Variants in PRKAR1A observed in about 807,000 individuals in gnomAD.
PRKAR1A encodes the protein cAMP-dependent protein kinase type I-alpha regulatory subunit.
PRKAR1A carries 3 observed loss-of-function variants against 52.0 expected under a neutral mutation model. The ratio of observed to expected loss-of-function variants is 0.06; its 90% CI spans 0.03 to 0.15. PRKAR1A has a LOEUF of 0.15. Among genes scored for constraint, PRKAR1A ranks in the 10% least tolerant of loss-of-function variants. The pLI is 1.00. For synonymous variants in PRKAR1A, 188 were observed against 168.4 expected (o/e 1.12, Z -0.90); for missense variants, 240 against 477.4 (o/e 0.50, Z 4.63).
At chr17:68,469,695 GC>G in the PRKAR1A span, among the ~76,000 whole-genome samples, 3 of 151,880 alleles carry the variant, frequency 2.0e-5, no homozygotes, top group Non-Finnish European at 4.4e-5. Context: ...TGGCTCTCAA[GC>G]TTTTGGATGC....
chr17:68,538,470 T>C (rs2086159941), intron 11 of PRKAR1A, among the ~76,000 whole-genome samples: 1 of 152,228 alleles, frequency 6.6e-6, no homozygotes, highest in Non-Finnish European at 1.5e-5. Flanking sequence ...GAATATCATA[T>C]TTATAATTAG....
the PRKAR1A span, among the ~76,000 whole-genome samples, chr17:68,488,923 C>T: frequency 1.3e-5 from 2 of 151,456 alleles, no homozygotes; most frequent in Non-Finnish European, 2.9e-5. Flanking sequence ...TTTCTCTATC[C>T]TGTGTCTGAA....
At chr17:68,419,005 C>T in the PRKAR1A span, among the ~76,000 whole-genome samples, 3 of 138,276 alleles carry the variant, frequency 2.2e-5, no homozygotes, top group Admixed American at 1.5e-4. Context: ...ACTGCTTTTT[C>T]TATAGCAAAG....
chr17:68,424,576 G>A, the PRKAR1A span: 4 of 512,592 alleles, frequency 7.8e-6, no homozygotes, highest in African/African-American at 2.0e-5. Context: ...TCCAAGTCTT[G>A]GCCCAAACAC....
At chr17:68,460,111 G>A in the PRKAR1A span, among the ~76,000 whole-genome samples, 1 of 152,138 alleles carries the variant, frequency 6.6e-6, no homozygotes, top group Non-Finnish European at 1.5e-5. Flanking sequence ...GAGCCACCAC[G>A]CCTGGCCTCA....
the PRKAR1A span, among the ~76,000 whole-genome samples, chr17:68,426,815 G>A: frequency 3.4e-4 from 52 of 152,194 alleles, no homozygotes; most frequent in Non-Finnish European, 6.8e-4. Context: ...GATTACAGGT[G>A]TGAGCCAATG....
upstream of PRKAR1A, among the ~76,000 whole-genome samples, chr17:68,508,825 C>A (rs908374055): frequency 1.3e-5 from 2 of 152,024 alleles, no homozygotes; most frequent in African/African-American, 4.8e-5. Context: ...GATAAACACC[C>A]CTCCTTAGTT....
At chr17:68,450,972 G>A in the PRKAR1A span, 6 of 1,528,736 alleles carry the variant, frequency 3.9e-6, no homozygotes, top group African/African-American at 7.0e-5. Context: ...ATGACACTGG[G>A]CCCGGCGCAG....
the PRKAR1A span, among the ~76,000 whole-genome samples, chr17:68,490,803 T>A: frequency 1.3e-5 from 2 of 152,136 alleles, no homozygotes; most frequent in African/African-American, 4.8e-5. Context: ...GAAGCAGTCT[T>A]ATCGTGTACC....
rs75550131 is a variant in PRKAR1A at position 68,542,652 on chromosome 17, G to A, written c.974-8432G>A. 3.2e-4 allele frequency: 474 copies of A among 1,486,848 alleles called. 3 individuals carry two copies. In the East Asian group the frequency reaches 8.6e-3, roughly 27 times the overall value. The allele number at this position is 1,486,848 out of a possible 1,614,324, so 92.1% of individuals were successfully genotyped here. On this transcript the variant is annotated intron_variant, in intron 11 of 11. Transcript: ENST00000585981. Reference sequence around the variant, plus strand: ...TGGAGGGGTGGACACTCTGGCTTACGATCTACTCAGACCCGGAATATCACT... The same window carrying A: ...TGGAGGGGTGGACACTCTGGCTTACAATCTACTCAGACCCGGAATATCACT...
chr17:68,502,397 A>G, the PRKAR1A span, among the ~76,000 whole-genome samples: 1 of 152,232 alleles, frequency 6.6e-6, no homozygotes, highest in African/African-American at 2.4e-5. Context: ...TATGGACCTT[A>G]TCCAAAATAT....
At chr17:68,466,617 G>A in the PRKAR1A span, among the ~76,000 whole-genome samples, 468 of 151,710 alleles carry the variant, frequency 3.1e-3, 2 homozygotes, top group Non-Finnish European at 4.8e-3. Context: ...TTGCCATGTT[G>A]ACCAGGCTTC....
chr17:68,485,518 C>T, the PRKAR1A span, among the ~76,000 whole-genome samples: 1 of 152,096 alleles, frequency 6.6e-6, no homozygotes, highest in Non-Finnish European at 1.5e-5. Context: ...GGAAATAGGA[C>T]CTTTGAAACT....
At chr17:68,534,384 C>T (rs948354779), downstream of PRKAR1A, among the ~76,000 whole-genome samples, 5 of 152,146 alleles carry the variant, frequency 3.3e-5, no homozygotes, top group Non-Finnish European at 5.9e-5. Flanking sequence ...AATTTACCTA[C>T]TTGCTAAACT....
the PRKAR1A span, among the ~76,000 whole-genome samples, chr17:68,471,874 C>T: frequency 2.2e-4 from 33 of 152,180 alleles, no homozygotes; most frequent in Non-Finnish European, 4.1e-4. Context: ...GATCTCGGCT[C>T]ACTGCAAACT....
At chr17:68,514,904 C>T (rs1348019151) in intron 1 of PRKAR1A, 3 of 180,940 alleles carry the variant, frequency 1.7e-5, no homozygotes, top group African/African-American at 4.8e-5. Flanking sequence ...TGCTCTGTGA[C>T]GTTAGGATAC....
chr17:68,426,254 G>GCCCCCCCCCCCC, the PRKAR1A span: 3 of 816,892 alleles, frequency 3.7e-6, no homozygotes, highest in Non-Finnish European at 1.9e-6. Flanking sequence ...GGGAGCGGGG[G>GCCCCCCCCCCCC]CTCAAATAAA....
At position 68,522,954 on chromosome 17, in the gene PRKAR1A, G is replaced by T. The variant is rs1369322674; in HGVS notation, c.348+28G>T. On this transcript the variant is annotated intron_variant, in intron 3 of 10. Transcript: ENST00000589228. Reference sequence around the variant, plus strand: ...AGTTTTGATATTTGAATATCGGGGGGATGCTTTTGGGACCCACTTGGTGGT... The same window carrying T: ...AGTTTTGATATTTGAATATCGGGGGTATGCTTTTGGGACCCACTTGGTGGT... 3.1e-6 allele frequency: 5 copies of T among 1,611,232 alleles called. No individual in the cohort carries two copies. The South Asian group carries it at 5.5e-5, about 18-fold the overall frequency.
chr17:68,424,274 GT>G, the PRKAR1A span, among the ~76,000 whole-genome samples: 2 of 152,178 alleles, frequency 1.3e-5, no homozygotes, highest in Non-Finnish European at 2.9e-5. Context: ...AGCCAGAAAT[GT>G]AAAAGCTCAC....
Sources: gnomAD v4.1 joint callset for allele counts (sites outside exome capture counted in the v4.1 genomes callset) on GRCh38, gnomAD v4.1.1 for gene constraint, MANE v1.5 for transcripts, NCBI Gene and HGNC (gene_info 2026-07-23, HGNC 2026-07-21) for gene names.